PHACTR1: variants seen among roughly 807,000 people sequenced by gnomAD.
PHACTR1 encodes phosphatase and actin regulator 1.
PHACTR1 carries 16 observed loss-of-function variants against 69.2 expected under a neutral mutation model. That is an observed-to-expected ratio of 0.23 (90% CI 0.16 to 0.35). The LOEUF (loss-of-function observed/expected upper bound fraction) is 0.35, where lower values mean the gene tolerates loss of function less well. Among genes scored for constraint, PHACTR1 ranks in the 10% least tolerant of loss-of-function variants. PHACTR1 has a pLI of 1.00. For synonymous variants in PHACTR1, 312 were observed against 284.5 expected, an observed-to-expected ratio of 1.10 and a Z score of -0.97; for missense variants, 510 against 734.7, an observed-to-expected ratio of 0.69 and a Z score of 3.54.
intron 5 of PHACTR1, among the ~76,000 whole-genome samples, chr6:13,075,129 G>C (rs2127782573): frequency 6.6e-6 from 1 of 152,260 alleles, no homozygotes; most frequent in Non-Finnish European, 1.5e-5. Context: ...CATCACCTTT[G>C]CCTAATTTAA....
At chr6:13,077,636 G>A (rs1810732000) in intron 5 of PHACTR1, among the ~76,000 whole-genome samples, 1 of 152,152 alleles carries the variant, frequency 6.6e-6, no homozygotes, top group African/African-American at 2.4e-5. Flanking sequence ...TTTTGAGCAA[G>A]GAGGTGACAT....
intron 4 of PHACTR1, among the ~76,000 whole-genome samples, chr6:12,840,047 G>A (rs902603736): frequency 6.6e-6 from 1 of 152,058 alleles, no homozygotes; most frequent in Non-Finnish European, 1.5e-5. Context: ...CCTTGCTCCT[G>A]TACTTGCCCC....
chr6:13,137,845 C>T (rs1821796433), intron 5 of PHACTR1, among the ~76,000 whole-genome samples: 1 of 152,214 alleles, frequency 6.6e-6, no homozygotes, highest in Non-Finnish European at 1.5e-5. Flanking sequence ...CTTGGGCCTC[C>T]TGGAATAGGA....
intron 4 of PHACTR1, among the ~76,000 whole-genome samples, chr6:12,866,401 A>C (rs1173652218): frequency 6.6e-6 from 1 of 151,976 alleles, no homozygotes; most frequent in African/African-American, 2.4e-5. Context: ...CCACCCTTCC[A>C]CCCACATCCC....
At chr6:12,829,041 T>C (rs1777117483) in intron 4 of PHACTR1, among the ~76,000 whole-genome samples, 1 of 152,174 alleles carries the variant, frequency 6.6e-6, no homozygotes, top group African/African-American at 2.4e-5. Context: ...TATACACGTG[T>C]ATTGAAATAT....
At chr6:13,115,233 C>G (rs1440309566) in intron 5 of PHACTR1, among the ~76,000 whole-genome samples, 1 of 152,196 alleles carries the variant, frequency 6.6e-6, no homozygotes, top group Non-Finnish European at 1.5e-5. Context: ...TATTTTTACA[C>G]TGCCAGAGAA....
In PHACTR1 at chr6:12,944,796, T is replaced by TATTTA. The variant is rs1194002732; in HGVS notation, c.251-108569_251-108568insATTTA. Among the ~76,000 whole-genome samples the TATTTA allele has an allele frequency of 4.6e-3, 689 of 151,270 alleles. 6 individuals carry two copies. The highest frequency in any genetic ancestry group is 0.015 in the African/African-American group (609 of 41,186). The stretch of plus-strand genomic sequence containing the variant: ...TTATTTATTTTTATTTATTTTTTTT[T>TATTTA]TTTTGAGACGGAGTCTGGCTCTATC... On this transcript the variant is annotated intron_variant, in intron 4 of 14. Coordinates refer to ENST00000332995, the MANE Select transcript of PHACTR1 (RefSeq NM_030948.6).
intron 4 of PHACTR1, among the ~76,000 whole-genome samples, chr6:12,941,166 T>C (rs985780804): frequency 6.6e-6 from 1 of 152,150 alleles, no homozygotes; most frequent in Non-Finnish European, 1.5e-5. Context: ...CAGAAAACCC[T>C]TGAGTCCCAA....
At chr6:13,131,208 TAC>T (rs56329629) in intron 5 of PHACTR1, among the ~76,000 whole-genome samples, 4,623 of 146,344 alleles carry the variant, frequency 0.032, 108 homozygotes, top group East Asian at 0.11. Context: ...TATATACACA[TAC>T]ACACACACAC....
chr6:13,278,187 G>A (rs1028448087), intron 11 of PHACTR1, 81 bp from the exon 12 acceptor site: 2 of 1,349,968 alleles, frequency 1.5e-6, no homozygotes, highest in African/African-American at 2.9e-5. Context: ...GCTTGGCCTA[G>A]AGCCTGCCAA....
intron 10 of PHACTR1, among the ~76,000 whole-genome samples, chr6:13,254,283 A>G (rs996327971): frequency 2.6e-5 from 4 of 152,200 alleles, no homozygotes; most frequent in Non-Finnish European, 4.4e-5. Context: ...GGTATCCCAG[A>G]ATTAATTGAG....
chr6:12,866,716 A>G (rs1267565369), intron 4 of PHACTR1, among the ~76,000 whole-genome samples: 1 of 152,220 alleles, frequency 6.6e-6, no homozygotes, highest in African/African-American at 2.4e-5. Context: ...CAAATAAAAT[A>G]TTATGCAAGT....
At chr6:13,123,279 G>C (rs1409897442) in intron 5 of PHACTR1, among the ~76,000 whole-genome samples, 1 of 152,160 alleles carries the variant, frequency 6.6e-6, no homozygotes, top group Non-Finnish European at 1.5e-5. Context: ...CCAGGGATCA[G>C]ATTTAGTAGT....
chr6:13,052,585 G>T (rs1806122012), intron 4 of PHACTR1, among the ~76,000 whole-genome samples: 1 of 152,222 alleles, frequency 6.6e-6, no homozygotes, highest in African/African-American at 2.4e-5. Context: ...AAGAGGTTGG[G>T]ATGATTGTGG....
chr6:13,085,328 TA>T (rs1483273329), intron 5 of PHACTR1, among the ~76,000 whole-genome samples: 2 of 152,002 alleles, frequency 1.3e-5, no homozygotes, highest in African/African-American at 2.4e-5. Context: ...AAATTAACCA[TA>T]AAAAAAGTAT....
intron 5 of PHACTR1, among the ~76,000 whole-genome samples, chr6:13,066,588 A>C (rs540596635): frequency 3.3e-5 from 5 of 152,280 alleles, no homozygotes; most frequent in African/African-American, 1.2e-4. Flanking sequence ...CCTAAAACAT[A>C]ATGGCTTAAA....
chr6:12,897,513 T>C (rs1451137116), intron 4 of PHACTR1, among the ~76,000 whole-genome samples: 1 of 152,106 alleles, frequency 6.6e-6, no homozygotes, highest in Non-Finnish European at 1.5e-5. Context: ...ATTATTGCCA[T>C]AGGCTATCAC....
chr6:12,869,006 T>A (rs1469956779), intron 4 of PHACTR1, among the ~76,000 whole-genome samples: 43 of 152,202 alleles, frequency 2.8e-4, no homozygotes, highest in African/African-American at 9.9e-4. Context: ...AGCAGGTCCT[T>A]GTGAATTCTA....
At chr6:12,972,248 G>T (rs929807321) in intron 4 of PHACTR1, among the ~76,000 whole-genome samples, 1 of 152,192 alleles carries the variant, frequency 6.6e-6, no homozygotes, top group African/African-American at 2.4e-5. Flanking sequence ...GAACTCAGGG[G>T]ATGTCTCATC....
Sources: gnomAD v4.1 joint callset for allele counts (sites outside exome capture counted in the v4.1 genomes callset) on GRCh38, gnomAD v4.1.1 for gene constraint, MANE v1.5 for transcripts, NCBI Gene and HGNC (gene_info 2026-07-23, HGNC 2026-07-21) for gene names.